ZNF652: variants seen among roughly 807,000 people sequenced by gnomAD.
ZNF652 encodes the protein zinc finger protein 652.
A neutral mutation model predicts 45.2 loss-of-function variants in ZNF652; 16 were observed. The ratio of observed to expected loss-of-function variants is 0.35; its 90% CI spans 0.24 to 0.54. ZNF652 has a LOEUF of 0.54. Ranked by LOEUF, ZNF652 falls within the 20% of genes least tolerant of loss-of-function variation. ZNF652 has a pLI of 0.91. For synonymous variants in ZNF652, 250 were observed against 260.6 expected (o/e 0.96, Z 0.39); for missense variants, 614 against 765.6 (o/e 0.80, Z 2.34).
chr17:49,332,658 T>C (rs190421384), intron 1 of ZNF652, among the ~76,000 whole-genome samples: 68 of 152,292 alleles, frequency 4.5e-4, no homozygotes, highest in Non-Finnish European at 4.3e-4. Flanking sequence ...TATTTAACTT[T>C]TTTTGAAGAC....
intron 1 of ZNF652, among the ~76,000 whole-genome samples, chr17:49,323,616 T>G (rs2069922421): frequency 6.6e-6 from 1 of 152,192 alleles, no homozygotes; most frequent in Non-Finnish European, 1.5e-5. Context: ...CAAAATCAAT[T>G]TCTTAAATAA....
chr17:49,340,568 AAAAG>A (rs1567696096), intron 1 of ZNF652, among the ~76,000 whole-genome samples: 2 of 122,402 alleles, frequency 1.6e-5, no homozygotes, highest in Non-Finnish European at 1.9e-5. Flanking sequence ...AAAAAAAAAA[AAAAG>A]AAAGAAAGAA....
chr17:49,309,230 G>A (rs532803633), intron 5 of ZNF652, among the ~76,000 whole-genome samples: 5 of 149,144 alleles, frequency 3.4e-5, no homozygotes, highest in Non-Finnish European at 7.4e-5. Flanking sequence ...GCTGGCTCAC[G>A]CCTGTAATCC....
At chr17:49,324,336 T>G (rs2069932288) in intron 1 of ZNF652, among the ~76,000 whole-genome samples, 1 of 152,230 alleles carries the variant, frequency 6.6e-6, no homozygotes, top group Admixed American at 6.5e-5. Flanking sequence ...TGGCTTGATC[T>G]TCCATCCAGA....
At chr17:49,348,050 CT>C (rs2070225346) in intron 1 of ZNF652, among the ~76,000 whole-genome samples, 1 of 152,050 alleles carries the variant, frequency 6.6e-6, no homozygotes, top group South Asian at 2.1e-4. Context: ...CCTACCAAAC[CT>C]TAATCTTATC....
chr17:49,332,850 C>T (rs143093630), intron 1 of ZNF652, among the ~76,000 whole-genome samples: 8 of 152,150 alleles, frequency 5.3e-5, no homozygotes, highest in Admixed American at 1.3e-4. Context: ...CTTCTCCCTA[C>T]CCCCTTTTCT....
At chr17:49,319,328 T>C (rs1598297655) in intron 1 of ZNF652, among the ~76,000 whole-genome samples, 1 of 145,406 alleles carries the variant, frequency 6.9e-6, no homozygotes, top group South Asian at 2.1e-4. Context: ...TGGGGTTGAA[T>C]TTTTTTTTTT....
chr17:49,344,200 C>T (rs1437812252), intron 1 of ZNF652, among the ~76,000 whole-genome samples: 1 of 145,020 alleles, frequency 6.9e-6, no homozygotes, highest in Non-Finnish European at 1.5e-5. Context: ...GACTCCGTTT[C>T]AAAAAAAAAA....
chr17:49,337,462 A>T (rs554503762), intron 1 of ZNF652, among the ~76,000 whole-genome samples: 1 of 152,176 alleles, frequency 6.6e-6, no homozygotes, highest in Non-Finnish European at 1.5e-5. Flanking sequence ...TGGCAAACTG[A>T]TCCAGTGGAT....
intron 1 of ZNF652, among the ~76,000 whole-genome samples, chr17:49,354,609 T>C (rs1567701667): frequency 8.4e-6 from 1 of 118,738 alleles, no homozygotes; most frequent in Non-Finnish European, 1.8e-5. Flanking sequence ...AGACTCCGCC[T>C]CAAAAAAAAA....
At chr17:49,302,964 A>AAAAC (rs993597515) in intron 5 of ZNF652, among the ~76,000 whole-genome samples, 2 of 151,996 alleles carry the variant, frequency 1.3e-5, no homozygotes, top group African/African-American at 2.4e-5. Flanking sequence ...TCCATCTCAA[A>AAAAC]AAACAAACAA....
At position 49,291,329 on chromosome 17, in the gene ZNF652, CTT is replaced by C. The variant is rs1430503497; in HGVS notation, c.*7082_*7083del. ...TGGATATTCCAGAAACAACTTGACTCTTTGGCACATCCAGTACAGACACAGGC... is the reference window on the plus strand; with the variant it reads ...TGGATATTCCAGAAACAACTTGACTCTGGCACATCCAGTACAGACACAGGC... On this transcript the variant is annotated 3_prime_UTR_variant, in exon 6 of 6. Transcript: ENST00000430262. 7.9e-5 allele frequency: 12 copies of C among 152,216 alleles called. No individual in the cohort carries two copies. The highest frequency in any genetic ancestry group is 7.9e-4 in the Admixed American group (12 of 15,286). 9.4% of individuals were successfully genotyped at this position (152,216 alleles called of 1,614,324 possible). A position where few individuals can be genotyped will look rare whatever the true frequency, so the allele number is the denominator to read the frequency against.
In ZNF652 at chr17:49,297,015, T is replaced by C. The variant is rs1225115713; in HGVS notation, c.*1398A>G. The C allele has an allele frequency of 6.6e-6, 1 of 152,186 alleles. No individual in the cohort carries two copies. Among genetic ancestry groups the C allele is most frequent in the Admixed American group, 6.5e-5 (1 of 15,274 alleles). 9.4% of individuals were successfully genotyped at this position (152,186 alleles called of 1,614,324 possible). On this transcript the variant is annotated 3_prime_UTR_variant, in exon 6 of 6. Transcript: ENST00000430262. The stretch of plus-strand genomic sequence containing the variant: ...ATCGCCTAAGAATGCTGGTATTACA[T>C]AATTTGCAGAGGACAGGGCAGTAAA...
At chr17:49,301,415 A>G (rs1307041220) in intron 5 of ZNF652, among the ~76,000 whole-genome samples, 2 of 152,062 alleles carry the variant, frequency 1.3e-5, no homozygotes, top group Non-Finnish European at 2.9e-5. Context: ...CTCCCGCCTC[A>G]GCCTTCAGAG....
chr17:49,356,307 A>G lies in ZNF652; in HGVS notation c.-259+5602T>C, dbSNP rs528448919. Among the ~76,000 whole-genome samples, 5 of 151,152 alleles carry G rather than the reference A, an allele frequency of 3.3e-5. No individual in the cohort carries two copies. In the East Asian group the frequency reaches 7.9e-4, roughly 24 times the overall value. On this transcript the variant is annotated intron_variant, in intron 1 of 5. Coordinates refer to ENST00000430262, the MANE Select transcript of ZNF652 (RefSeq NM_001145365.3). ...CCAGGCACGGTGGCAGGCGCCTGTA[A>G]TCCCAGCTACTTGGGGGAGGCTGAG...
chr17:49,302,292 A>AT (rs35962100), intron 5 of ZNF652, among the ~76,000 whole-genome samples: 33,423 of 138,626 alleles, frequency 0.24, 4,080 homozygotes, highest in South Asian at 0.32. Flanking sequence ...TAGAAATGTA[A>AT]TTTTTTTTTT....
chr17:49,342,702 A>C (rs963687333), intron 1 of ZNF652, among the ~76,000 whole-genome samples: 1 of 152,050 alleles, frequency 6.6e-6, no homozygotes, highest in Non-Finnish European at 1.5e-5. Flanking sequence ...GAAAATTTCA[A>C]CTCAAGGCTG....
At chr17:49,334,466 A>G (rs1163863365) in intron 1 of ZNF652, among the ~76,000 whole-genome samples, 1 of 152,030 alleles carries the variant, frequency 6.6e-6, no homozygotes. Flanking sequence ...TCTGGGCAAC[A>G]GAGTGAGACC....
At position 49,360,155 on chromosome 17, in the gene ZNF652, T is replaced by A. The variant is rs149826834; in HGVS notation, c.-259+1754A>T. On this transcript the variant is annotated intron_variant, in intron 1 of 5. Transcript: ENST00000430262. The stretch of plus-strand genomic sequence containing the variant: ...AAACGAGGAAATGATAATTTACAAA[T>A]ACCTAACTTATCCTAATCAAAGAAC... Among the ~76,000 whole-genome samples the A allele has an allele frequency of 4.6e-4, 70 of 152,336 alleles. 1 individual carries two copies. Among genetic ancestry groups the A allele is most frequent in the African/African-American group, 1.5e-3 (64 of 41,572 alleles).
Sources: gnomAD v4.1 joint callset for allele counts (sites outside exome capture counted in the v4.1 genomes callset) on GRCh38, gnomAD v4.1.1 for gene constraint, MANE v1.5 for transcripts, NCBI Gene and HGNC (gene_info 2026-07-23, HGNC 2026-07-21) for gene names.